The following GRIK3 variants were observed in gnomAD, a reference collection of about 807,000 sequenced individuals.
The protein encoded by GRIK3 is glutamate receptor ionotropic, kainate 3.
GRIK3 carries 29 observed loss-of-function variants against 102.5 expected under a neutral mutation model. The observed-to-expected ratio is 0.28, with a 90% confidence interval of 0.21 to 0.39. GRIK3 has a LOEUF of 0.39. Ranked by LOEUF, GRIK3 falls within the 10% of genes least tolerant of loss-of-function variation. The pLI is 1.00. For missense variants in GRIK3, 908 were observed against 1,252.4 expected (o/e 0.73, Z 4.15); for synonymous variants, 511 against 504.9 (o/e 1.01, Z -0.16).
intron 1 of GRIK3, among the ~76,000 whole-genome samples, chr1:36,951,803 G>A: frequency 6.6e-6 from 1 of 151,980 alleles, no homozygotes; most frequent in Non-Finnish European, 1.5e-5. Context: ...AGGGAGAGGA[G>A]AGGGCAGAAA....
At chr1:36,995,867 A>G (rs1312023115) in intron 1 of GRIK3, among the ~76,000 whole-genome samples, 1 of 152,132 alleles carries the variant, frequency 6.6e-6, no homozygotes, top group African/African-American at 2.4e-5. Context: ...CTTCCTCCCA[A>G]GTTCTCATCA....
intron 5 of GRIK3, among the ~76,000 whole-genome samples, chr1:36,868,643 C>T (rs920486620): frequency 6.6e-5 from 10 of 152,248 alleles, no homozygotes; most frequent in South Asian, 2.1e-4. Context: ...AATTGGCTCT[C>T]GCCCGCTGGA....
intron 1 of GRIK3, among the ~76,000 whole-genome samples, chr1:37,007,192 C>T (rs1412403867): frequency 6.6e-6 from 1 of 152,268 alleles, no homozygotes; most frequent in South Asian, 2.1e-4. Flanking sequence ...ATGCTCCCCA[C>T]ATCCTAACTC....
intron 1 of GRIK3, among the ~76,000 whole-genome samples, chr1:36,911,115 C>A (rs1450797553): frequency 6.6e-6 from 1 of 151,506 alleles, no homozygotes; most frequent in Non-Finnish European, 1.5e-5. Context: ...TACAGACCCA[C>A]TGGGGAGAGA....
chr1:36,865,741 GC>G (rs1402443991), intron 5 of GRIK3, among the ~76,000 whole-genome samples: 1 of 152,246 alleles, frequency 6.6e-6, no homozygotes, highest in African/African-American at 2.4e-5. Flanking sequence ...GGAGTCAGGA[GC>G]CAAGGCCTCT....
intron 1 of GRIK3, among the ~76,000 whole-genome samples, chr1:36,952,633 G>C (rs773529236): frequency 6.6e-6 from 1 of 152,162 alleles, no homozygotes; most frequent in Non-Finnish European, 1.5e-5. Context: ...GATGGGTGCC[G>C]GGTCAACAGT....
intron 1 of GRIK3, among the ~76,000 whole-genome samples, chr1:37,001,848 T>G (rs1208331298): frequency 6.6e-6 from 1 of 152,016 alleles, no homozygotes; most frequent in Non-Finnish European, 1.5e-5. Context: ...GTCAAGCAAA[T>G]TACCACTGTG....
intron 1 of GRIK3, among the ~76,000 whole-genome samples, chr1:36,948,682 C>T (rs936142118): frequency 7.9e-5 from 12 of 152,248 alleles, no homozygotes; most frequent in East Asian, 3.9e-4. Flanking sequence ...AGCTCCATGC[C>T]GGCTCCTCAC....
rs1156300338 is a variant in GRIK3 at position 36,797,329 on chromosome 1, T to C, written c.*4522A>G. ...TATATATATATATTTTACATTCATA[T>C]ATATATTGTACAGAACATTAACCTT... On this transcript the variant is annotated 3_prime_UTR_variant, in exon 16 of 16. Coordinates refer to ENST00000373091, the MANE Select transcript of GRIK3 (RefSeq NM_000831.4). The C allele has an allele frequency of 1.3e-5, 2 of 151,368 alleles. No individual in the cohort carries two copies. The highest frequency in any genetic ancestry group is 4.8e-5 in the African/African-American group (2 of 41,254). The allele number at this position is 151,368 out of a possible 1,614,324, so 9.4% of individuals were successfully genotyped here.
chr1:36,926,251 A>T (rs781190585), intron 1 of GRIK3, among the ~76,000 whole-genome samples: 5 of 152,228 alleles, frequency 3.3e-5, no homozygotes, highest in Non-Finnish European at 7.3e-5. Flanking sequence ...GGTTAGCACC[A>T]CAAAGCAGGT....
At chr1:36,862,175 G>A (rs571724487) in intron 5 of GRIK3, among the ~76,000 whole-genome samples, 1 of 152,286 alleles carries the variant, frequency 6.6e-6, no homozygotes, top group East Asian at 1.9e-4. Flanking sequence ...AGTGGGAGCT[G>A]AATGTTAGCA....
chr1:36,887,764 A>G (rs1372480029), intron 2 of GRIK3, among the ~76,000 whole-genome samples: 1 of 98,436 alleles, frequency 1.0e-5, no homozygotes, highest in Admixed American at 1.1e-4. Flanking sequence ...CTCAAAAAAA[A>G]AAAAAAAATA....
At chr1:36,908,778 G>GGTGT (rs56228690) in intron 1 of GRIK3, among the ~76,000 whole-genome samples, 3,543 of 147,048 alleles carry the variant, frequency 0.024, 55 homozygotes, top group African/African-American at 0.039. Context: ...AATGGGATAG[G>GGTGT]GTGTGTGTGT....
intron 5 of GRIK3, among the ~76,000 whole-genome samples, chr1:36,864,098 C>T (rs1463101497): frequency 1.3e-5 from 2 of 152,132 alleles, no homozygotes; most frequent in East Asian, 3.9e-4. Flanking sequence ...TATCTATTAA[C>T]TTATTATAAT....
At chr1:36,912,086 C>T (rs1557722609) in intron 1 of GRIK3, among the ~76,000 whole-genome samples, 1 of 152,112 alleles carries the variant, frequency 6.6e-6, no homozygotes, top group Non-Finnish European at 1.5e-5. Context: ...TGTTTCTCAC[C>T]ACTCCCTTCA....
At position 36,970,851 on chromosome 1, in the gene GRIK3, T is replaced by C. The variant is rs965824063; in HGVS notation, c.115+63143A>G. On this transcript the variant is annotated intron_variant, in intron 1 of 15. Coordinates refer to ENST00000373091, the MANE Select transcript of GRIK3 (RefSeq NM_000831.4). ...TTGTAATTGGTTTTTCATGACTTTGTTCCCCCAATAGCCTTTCACTACCAC... is the reference window on the plus strand; with the variant it reads ...TTGTAATTGGTTTTTCATGACTTTGCTCCCCCAATAGCCTTTCACTACCAC... Among the ~76,000 whole-genome samples, 4 of 152,268 alleles carry C rather than the reference T, an allele frequency of 2.6e-5. No homozygotes were observed. The East Asian group carries it at 7.7e-4, about 29-fold the overall frequency.
At chr1:36,826,090 G>T (rs987518920) in intron 10 of GRIK3, among the ~76,000 whole-genome samples, 2 of 152,174 alleles carry the variant, frequency 1.3e-5, no homozygotes, top group African/African-American at 2.4e-5. Context: ...AACATGCAGA[G>T]AATGGAACTC....
chr1:36,952,235 G>A (rs1051487627), intron 1 of GRIK3, among the ~76,000 whole-genome samples: 3 of 152,122 alleles, frequency 2.0e-5, no homozygotes, highest in Non-Finnish European at 4.4e-5. Context: ...TTCCTCCATG[G>A]TGTCTCCTCA....
Position 37,022,378 on chromosome 1 carries a change from G to A in GRIK3, c.115+11616C>T, listed in dbSNP as rs888036573. Among the ~76,000 whole-genome samples, 9 of 152,226 alleles carry A rather than the reference G, an allele frequency of 5.9e-5. 1 individual carries two copies. Among genetic ancestry groups the A allele is most frequent in the Admixed American group, 5.9e-4 (9 of 15,294 alleles). On this transcript the variant is annotated intron_variant, in intron 1 of 15. Transcript: ENST00000373091. The stretch of plus-strand genomic sequence containing the variant: ...CTGACGGACAAGTGGGAAGGAGAGA[G>A]GGGTGAGGTCAGAAAAGGCAGGAGG...
Sources: allele counts gnomAD v4.1 joint callset (sites outside exome capture counted in the v4.1 genomes callset), GRCh38; gene constraint gnomAD v4.1.1; transcripts MANE v1.5; gene names NCBI Gene and HGNC (gene_info 2026-07-23, HGNC 2026-07-21).